FTCDNL1: variants seen among roughly 807,000 people sequenced by gnomAD.
FTCDNL1 encodes formiminotransferase N-terminal subdomain-containing protein.
In FTCDNL1, 11 loss-of-function variants were observed where a neutral mutation model predicts 5.9. The observed-to-expected ratio is 1.87, with a 90% CI of 1.18 to 3.10. The LOEUF (loss-of-function observed/expected upper bound fraction) is 3.10. Ranked by LOEUF, FTCDNL1 falls within the 30% of genes most tolerant of loss-of-function variation. The pLI is 0.00. For synonymous variants in FTCDNL1, 58 were observed against 24.8 expected (o/e 2.34, Z -3.99); for missense variants, 115 against 65.5 (o/e 1.76, Z -2.61).
At chr2:199,753,764 G>A in the FTCDNL1 span, among the ~76,000 whole-genome samples, 1 of 152,172 alleles carries the variant, frequency 6.6e-6, no homozygotes, top group African/African-American at 2.4e-5. Context: ...AAATGAAGAG[G>A]TAGGTCAGAG....
At chr2:199,778,935 A>G (rs528908199) in intron 3 of FTCDNL1, among the ~76,000 whole-genome samples, 1 of 152,308 alleles carries the variant, frequency 6.6e-6, no homozygotes, top group South Asian at 2.1e-4. Context: ...CTCAGTAGAC[A>G]TGAGTACCAA....
At chr2:199,806,380 C>T (rs982711975), downstream of FTCDNL1, among the ~76,000 whole-genome samples, 7 of 152,246 alleles carry the variant, frequency 4.6e-5, no homozygotes, top group African/African-American at 1.4e-4. Context: ...CAAATAAATG[C>T]CTTTAAAAGC....
chr2:199,735,303 G>A, the FTCDNL1 span, among the ~76,000 whole-genome samples: 16 of 152,224 alleles, frequency 1.1e-4, no homozygotes, highest in African/African-American at 3.6e-4. Flanking sequence ...GAAGGAAGAA[G>A]AAACTCTTTC....
chr2:199,790,236 G>A (rs1699856017), intron 3 of FTCDNL1, among the ~76,000 whole-genome samples: 1 of 152,108 alleles, frequency 6.6e-6, no homozygotes, highest in African/African-American at 2.4e-5. Context: ...GGTGACTCAT[G>A]CCTGTAATCC....
the FTCDNL1 span, among the ~76,000 whole-genome samples, chr2:199,682,352 C>T: frequency 2.0e-5 from 3 of 152,172 alleles, no homozygotes; most frequent in African/African-American, 7.2e-5. Context: ...TTGGACTTTA[C>T]AGCTGCCACA....
In FTCDNL1 at chr2:199,773,599, C is replaced by T. The variant is rs1231662969; in HGVS notation, c.212-12764G>A. On this transcript the variant is annotated intron_variant, in intron 3 of 3. Coordinates refer to the FTCDNL1 transcript ENST00000416668. ...CAGTGGCATCCAGTCTGAGAAGTGG[C>T]TCATGTCCAGACACTGATAAGGGAC... 2.6e-5 allele frequency among the ~76,000 whole-genome samples: 4 copies of T among 152,192 alleles called. No homozygotes were observed. In the East Asian group the frequency reaches 7.7e-4, roughly 29 times the overall value.
the FTCDNL1 span, among the ~76,000 whole-genome samples, chr2:199,678,077 A>G: frequency 6.6e-6 from 1 of 152,198 alleles, no homozygotes; most frequent in Non-Finnish European, 1.5e-5. Context: ...ACAAACAGAA[A>G]TATGTCGAAA....
intron 3 of FTCDNL1, among the ~76,000 whole-genome samples, chr2:199,824,128 C>T (rs992421945): frequency 2.6e-5 from 4 of 152,208 alleles, no homozygotes; most frequent in Admixed American, 2.0e-4. Context: ...TTCATCCTTG[C>T]TCTTAGCTAG....
chr2:199,781,620 C>G (rs569175186), intron 3 of FTCDNL1, among the ~76,000 whole-genome samples: 1 of 152,208 alleles, frequency 6.6e-6, no homozygotes, highest in East Asian at 1.9e-4. Flanking sequence ...GTTAATATAG[C>G]CCTAGGGAAA....
intron 3 of FTCDNL1, among the ~76,000 whole-genome samples, chr2:199,781,463 C>G (rs1262223674): frequency 6.6e-6 from 1 of 152,182 alleles, no homozygotes; most frequent in East Asian, 1.9e-4. Flanking sequence ...CTTTCTGGAG[C>G]CTTGAACCTA....
chr2:199,697,303 T>A, the FTCDNL1 span, among the ~76,000 whole-genome samples: 1 of 151,854 alleles, frequency 6.6e-6, no homozygotes. Context: ...AGATGCTATA[T>A]GACTATCCCC....
the FTCDNL1 span, among the ~76,000 whole-genome samples, chr2:199,747,356 G>A: frequency 2.6e-5 from 4 of 152,122 alleles, no homozygotes; most frequent in East Asian, 1.9e-4. Flanking sequence ...TCGTAGGGGC[G>A]CACACATTTT....
intron 3 of FTCDNL1, among the ~76,000 whole-genome samples, chr2:199,827,323 G>A (rs184489427): frequency 4.9e-4 from 75 of 152,242 alleles, no homozygotes; most frequent in African/African-American, 1.8e-3. Context: ...GGAAAAAACT[G>A]GGGGATTTCG....
chr2:199,848,606 A>G (rs760890657), intron 2 of FTCDNL1, among the ~76,000 whole-genome samples: 24 of 152,220 alleles, frequency 1.6e-4, no homozygotes, highest in Admixed American at 3.3e-4. Flanking sequence ...TTCACACGCA[A>G]ATGTTAAGAG....
chr2:199,676,787 G>A, the FTCDNL1 span, among the ~76,000 whole-genome samples: 2 of 151,970 alleles, frequency 1.3e-5, no homozygotes, highest in African/African-American at 4.8e-5. Context: ...AGAAGGCTAG[G>A]ACAAAATGCT....
chr2:199,830,418 G>C (rs542594888), intron 3 of FTCDNL1, among the ~76,000 whole-genome samples: 1 of 152,250 alleles, frequency 6.6e-6, no homozygotes, highest in South Asian at 2.1e-4. Flanking sequence ...CTATGAAAGG[G>C]GGGTGGTGGA....
At chr2:199,671,132 C>A in the FTCDNL1 span, among the ~76,000 whole-genome samples, 2 of 147,266 alleles carry the variant, frequency 1.4e-5, no homozygotes, top group Non-Finnish European at 3.0e-5. Flanking sequence ...GAAGAGGAAA[C>A]CAGGAAAGGC....
chr2:199,851,130 C>G lies in FTCDNL1; in HGVS notation c.-398G>C, dbSNP rs2076867384. The G allele has an allele frequency of 3.6e-5, 5 of 137,762 alleles. No individual in the cohort carries two copies. In the South Asian group the frequency reaches 8.4e-4, roughly 23 times the overall value. 8.5% of individuals were successfully genotyped at this position (137,762 alleles called of 1,614,324 possible). A position where few individuals can be genotyped will look rare whatever the true frequency, so the allele number is the denominator to read the frequency against. On this transcript the variant is annotated 5_prime_UTR_variant, in exon 1 of 5. Transcript: ENST00000420128. ...CCGCCCAGCCCAAGTCGCCGCCGCG[C>G]GTGGCCCGCGCGCAGCCTCCGCCGC... is the stretch of plus-strand genomic sequence containing the variant.
intron 3 of FTCDNL1, among the ~76,000 whole-genome samples, chr2:199,826,379 A>G (rs1702031686): frequency 6.6e-6 from 1 of 151,416 alleles, no homozygotes; most frequent in Non-Finnish European, 1.5e-5. Flanking sequence ...ATCTTGAACA[A>G]TTTACTTTAC....
Sources: gnomAD v4.1 joint callset for allele counts (sites outside exome capture counted in the v4.1 genomes callset) on GRCh38, gnomAD v4.1.1 for gene constraint, MANE v1.5 for transcripts, NCBI Gene and HGNC (gene_info 2026-07-23, HGNC 2026-07-21) for gene names.